Variants in FARP1 observed in about 807,000 individuals in gnomAD.
FARP1 encodes FERM, ARH/RhoGEF and pleckstrin domain protein 1, also known as FERM, ARHGEF and pleckstrin domain-containing protein 1.
A neutral mutation model predicts 128.8 loss-of-function variants in FARP1; 52 were observed. That is an observed-to-expected ratio of 0.40 (90% CI 0.32 to 0.51). The LOEUF is 0.51. FARP1 is among the 20% of genes least tolerant of loss of function. The pLI is 0.45. For missense variants in FARP1, 1,333 were observed against 1,367.9 expected, an observed-to-expected ratio of 0.97 and a Z score of 0.40; for synonymous variants, 580 against 551.8, an observed-to-expected ratio of 1.05 and a Z score of -0.72.
chr13:98,225,448 C>A (rs772522201), intron 2 of FARP1, among the ~76,000 whole-genome samples: 5 of 152,198 alleles, frequency 3.3e-5, no homozygotes, highest in African/African-American at 9.6e-5. Context: ...GGAGAACTCT[C>A]GCTCCAAGTA....
chr13:98,418,931 G>A (rs968585958), intron 16 of FARP1, among the ~76,000 whole-genome samples: 2 of 152,190 alleles, frequency 1.3e-5, no homozygotes, highest in African/African-American at 4.8e-5. Context: ...ACCTCAGGAA[G>A]GCAAGAAAGA....
At chr13:98,306,589 G>C (rs1443940904) in intron 2 of FARP1, among the ~76,000 whole-genome samples, 1 of 151,764 alleles carries the variant, frequency 6.6e-6, no homozygotes, top group African/African-American at 2.4e-5. Flanking sequence ...ATTGTGGCCC[G>C]CTGCAGCCTC....
At chr13:98,387,975 G>GT (rs1368661120) in intron 8 of FARP1, among the ~76,000 whole-genome samples, 1 of 152,192 alleles carries the variant, frequency 6.6e-6, no homozygotes, top group Non-Finnish European at 1.5e-5. Context: ...AATGAAAATA[G>GT]TAAGTCCATC....
At chr13:98,151,484 T>C (rs1875992722) in intron 1 of FARP1, among the ~76,000 whole-genome samples, 1 of 151,992 alleles carries the variant, frequency 6.6e-6, no homozygotes, top group African/African-American at 2.4e-5. Flanking sequence ...TTTCTCTAAT[T>C]TTTGGTTTTC....
chr13:98,309,214 G>T (rs6491416), intron 2 of FARP1, among the ~76,000 whole-genome samples: 5,157 of 129,548 alleles, frequency 0.04, 375 homozygotes, highest in African/African-American at 0.15. Flanking sequence ...TGGCCCAGGC[G>T]GGAGTGCAGT....
chr13:98,153,406 A>G (rs1485707259), intron 1 of FARP1, among the ~76,000 whole-genome samples: 2 of 85,630 alleles, frequency 2.3e-5, no homozygotes, highest in Non-Finnish European at 5.9e-5. Flanking sequence ...CATTATATAT[A>G]AATATGTATA....
rs1029997446 is a variant in FARP1, at chr13:98,144,065, G to GT, written c.-24+581dup. ...ACTGTCTGCCTTTATGCAGGGCAAA[G>GT]TTTTTTTTATTTTTTATTTTTTAAA... On this transcript the variant is annotated intron_variant, in intron 1 of 26. Transcript: ENST00000319562. Among the ~76,000 whole-genome samples the GT allele has an allele frequency of 3.8e-5, 5 of 131,590 alleles. No homozygotes were observed. The East Asian group carries it at 6.1e-4, about 16-fold the overall frequency. 86.3% of individuals were successfully genotyped at this position (131,590 alleles called of 152,430 possible).
chr13:98,343,754 G>T lies in FARP1; in HGVS notation c.172-8G>T. 6.2e-7 allele frequency: 1 copy of T among 1,605,806 alleles called. No homozygotes were observed. The highest frequency in any genetic ancestry group is 8.5e-7 in the Non-Finnish European group (1 of 1,172,488). On this transcript the variant is annotated splice_polypyrimidine_tract_variant and splice_region_variant and intron_variant, in intron 2 of 26. Coordinates refer to ENST00000319562, the MANE Select transcript of FARP1 (RefSeq NM_005766.4). ...CTCAGGGATAACCCCTGTTGTTTCT[G>T]CTCACAGCAAAGAGCTCCTGGGAAG...
intron 5 of FARP1, among the ~76,000 whole-genome samples, chr13:98,370,981 G>T (rs1356693563): frequency 6.6e-6 from 1 of 152,172 alleles, no homozygotes; most frequent in Non-Finnish European, 1.5e-5. Flanking sequence ...AGGGCCTTTC[G>T]CTGGGGCTGC....
At chr13:98,375,639 T>C (rs1271580056) in intron 5 of FARP1, among the ~76,000 whole-genome samples, 1 of 152,124 alleles carries the variant, frequency 6.6e-6, no homozygotes, top group African/African-American at 2.4e-5. Context: ...GTTTTTGTTT[T>C]TGTTTTGAGA....
intron 2 of FARP1, among the ~76,000 whole-genome samples, chr13:98,227,449 A>AT (rs1403979446): frequency 7.6e-6 from 1 of 131,612 alleles, no homozygotes; most frequent in Admixed American, 7.4e-5. Context: ...GATGGCTACT[A>AT]TTAAAAAAAA....
At chr13:98,143,754 C>G (rs1200780943) in intron 1 of FARP1, among the ~76,000 whole-genome samples, 1 of 151,672 alleles carries the variant, frequency 6.6e-6, no homozygotes. Flanking sequence ...CTCACCTCCG[C>G]CGACGTCGGG....
intron 13 of FARP1, chr13:98,399,259 T>C (rs4772071): frequency 0.46 from 70,481 of 152,090 alleles, 17,008 homozygotes; most frequent in Non-Finnish European, 0.53. Flanking sequence ...ATAAAGATTC[T>C]ATAACATTGG....
chr13:98,159,391 G>A (rs1013456313), intron 1 of FARP1: 5 of 152,040 alleles, frequency 3.3e-5, no homozygotes, highest in Admixed American at 6.6e-5. Flanking sequence ...GAGAGGAGAT[G>A]TATCTTGCAA....
At chr13:98,426,325 G>C (rs1891787119) in intron 17 of FARP1, among the ~76,000 whole-genome samples, 1 of 151,916 alleles carries the variant, frequency 6.6e-6, no homozygotes, top group Non-Finnish European at 1.5e-5. Flanking sequence ...TTGTCTCTAT[G>C]AAAAATAAAA....
intron 1 of FARP1, among the ~76,000 whole-genome samples, chr13:98,203,194 C>T (rs1880059966): frequency 6.6e-6 from 1 of 150,754 alleles, no homozygotes; most frequent in South Asian, 2.1e-4. Flanking sequence ...CAGAGAGGCT[C>T]TTTGTGTTCA....
intron 2 of FARP1, among the ~76,000 whole-genome samples, chr13:98,301,063 T>A (rs1048986163): frequency 6.6e-6 from 1 of 152,200 alleles, no homozygotes; most frequent in Non-Finnish European, 1.5e-5. Context: ...GCTTTGGTTG[T>A]CATCTAATGG....
chr13:98,322,532 C>T (rs1887041651), intron 2 of FARP1, among the ~76,000 whole-genome samples: 1 of 152,186 alleles, frequency 6.6e-6, no homozygotes, highest in Non-Finnish European at 1.5e-5. Flanking sequence ...CACCATCATC[C>T]CTCTCACTTG....
chr13:98,431,461 A>AT (rs34662991), intron 18 of FARP1, 181 bp downstream of exon 18: 77,181 of 336,726 alleles, frequency 0.23, 6,202 homozygotes, highest in African/African-American at 0.26. Context: ...TTACATCTTG[A>AT]TTTTTTTTTT....
Sources: allele counts gnomAD v4.1 joint callset (sites outside exome capture counted in the v4.1 genomes callset), GRCh38; gene constraint gnomAD v4.1.1; transcripts MANE v1.5; gene names NCBI Gene and HGNC (gene_info 2026-07-23, HGNC 2026-07-21).